RAC1: variants seen among roughly 807,000 people sequenced by gnomAD.
RAC1 encodes ras-related C3 botulinum toxin substrate 1.
In RAC1, 2 loss-of-function variants were observed where a neutral mutation model predicts 25.2. That is an observed-to-expected ratio of 0.08 (90% CI 0.03 to 0.25). RAC1 has a LOEUF of 0.25. Ranked by LOEUF, RAC1 falls within the 10% of genes least tolerant of loss-of-function variation. The pLI is 1.00. For missense variants in RAC1, 50 were observed against 235.7 expected (o/e 0.21, Z 5.16); for synonymous variants, 88 against 94.0 (o/e 0.94, Z 0.37).
At chr7:6,381,585 G>C (rs983988606) in intron 1 of RAC1, among the ~76,000 whole-genome samples, 1 of 145,374 alleles carries the variant, frequency 6.9e-6, no homozygotes, top group African/African-American at 2.4e-5. Flanking sequence ...AGTAGAGACG[G>C]GGTTTCACTG....
intron 3 of RAC1, among the ~76,000 whole-genome samples, chr7:6,393,176 C>G (rs1028097518): frequency 2.6e-5 from 4 of 152,184 alleles, no homozygotes; most frequent in Non-Finnish European, 2.9e-5. Context: ...GTGATTGATT[C>G]AACCAGTACT....
chr7:6,388,905 A>T (rs974780611), intron 2 of RAC1, among the ~76,000 whole-genome samples: 3 of 152,000 alleles, frequency 2.0e-5, no homozygotes, highest in African/African-American at 7.2e-5. Context: ...GATGTTTTAA[A>T]TTTTGGTAGA....
chr7:6,400,311 T>G (rs1324170193), intron 4 of RAC1, 123 bp downstream of exon 4: 2 of 964,666 alleles, frequency 2.1e-6, no homozygotes, highest in African/African-American at 3.3e-5. Flanking sequence ...AATTTGCTAC[T>G]TAAGTACATG....
chr7:6,389,175 C>G (rs1234763249), intron 2 of RAC1, among the ~76,000 whole-genome samples: 2 of 149,102 alleles, frequency 1.3e-5, no homozygotes. Flanking sequence ...GCACTTCAGC[C>G]TGGGTAACAG....
chr7:6,389,121 GA>G (rs1262935245), intron 2 of RAC1, among the ~76,000 whole-genome samples: 2 of 151,534 alleles, frequency 1.3e-5, no homozygotes, highest in Non-Finnish European at 2.9e-5. Context: ...AGAATTGCTT[GA>G]ACCCGGGAAG....
At chr7:6,380,292 A>G (rs1044600581) in intron 1 of RAC1, among the ~76,000 whole-genome samples, 1 of 152,130 alleles carries the variant, frequency 6.6e-6, no homozygotes, top group Non-Finnish European at 1.5e-5. Flanking sequence ...CTCCAAATGT[A>G]GGTGTAGTAT....
chr7:6,400,701 G>A (rs547439155), intron 4 of RAC1, among the ~76,000 whole-genome samples: 1 of 151,898 alleles, frequency 6.6e-6, no homozygotes, highest in South Asian at 2.1e-4. Flanking sequence ...TTGAGATGGA[G>A]TTTCACTCTT....
chr7:6,392,197 C>A (rs1009525606), intron 3 of RAC1, among the ~76,000 whole-genome samples, 156 bp downstream of exon 3: 1 of 152,160 alleles, frequency 6.6e-6, no homozygotes, highest in Non-Finnish European at 1.5e-5. Context: ...TAAACATCCC[C>A]CTAGATGCAA....
chr7:6,385,067 A>G lies in RAC1; in HGVS notation c.36-2145A>G, dbSNP rs539483698. On this transcript the variant is annotated intron_variant, in intron 1 of 5. Transcript: ENST00000348035. Reference sequence around the variant, plus strand: ...GCGATCCACCCACCTCAGCCTCCCAAAGTGCTAGGATTACAGGCATGAGCC... The same window carrying G: ...GCGATCCACCCACCTCAGCCTCCCAGAGTGCTAGGATTACAGGCATGAGCC... Among the ~76,000 whole-genome samples, 508 of 152,212 alleles carry G rather than the reference A, an allele frequency of 3.3e-3. 1 individual carries two copies. Among genetic ancestry groups the G allele is most frequent in the Middle Eastern group, 0.014 (4 of 294 alleles).
intron 1 of RAC1, among the ~76,000 whole-genome samples, chr7:6,386,211 A>C (rs1782918208): frequency 6.6e-6 from 1 of 152,128 alleles, no homozygotes; most frequent in African/African-American, 2.4e-5. Context: ...CTGTTAATTA[A>C]ATGTCTGGGA....
chr7:6,376,680 T>A (rs1256415354), intron 1 of RAC1, among the ~76,000 whole-genome samples: 1 of 149,532 alleles, frequency 6.7e-6, no homozygotes, highest in African/African-American at 2.4e-5. Context: ...TTGTTTTTTT[T>A]TTTTTTTTTT....
At chr7:6,400,299 G>T in intron 4 of RAC1, 111 bp downstream of exon 4, 3 of 1,102,458 alleles carry the variant, frequency 2.7e-6, no homozygotes, top group South Asian at 1.4e-5. Context: ...ATTGGTTTTA[G>T]CAATTTGCTA....
intron 3 of RAC1, among the ~76,000 whole-genome samples, chr7:6,393,991 C>G (rs1783159166): frequency 6.6e-6 from 1 of 152,166 alleles, no homozygotes; most frequent in Non-Finnish European, 1.5e-5. Context: ...ATGCTGGCAC[C>G]TGGGTCTCTT....
At chr7:6,395,090 G>A (rs1783196014) in intron 3 of RAC1, among the ~76,000 whole-genome samples, 1 of 152,122 alleles carries the variant, frequency 6.6e-6, no homozygotes, top group Non-Finnish European at 1.5e-5. Context: ...TCCTGAGCTT[G>A]TGATCCGCCC....
chr7:6,385,275 T>G (rs1309295437), intron 1 of RAC1, among the ~76,000 whole-genome samples: 2 of 152,218 alleles, frequency 1.3e-5, no homozygotes, highest in African/African-American at 2.4e-5. Flanking sequence ...TTGATACATC[T>G]TTAGCACCTA....
At chr7:6,375,275 A>G (rs1782548657) in intron 1 of RAC1, among the ~76,000 whole-genome samples, 1 of 151,986 alleles carries the variant, frequency 6.6e-6, no homozygotes, top group African/African-American at 2.4e-5. Flanking sequence ...TTTTTTTCAT[A>G]GACGGGGTCT....
intron 4 of RAC1, 33 bp from the exon 5 acceptor site, chr7:6,401,835 G>T: frequency 1.9e-6 from 3 of 1,593,718 alleles, no homozygotes; most frequent in Non-Finnish European, 2.6e-6. Flanking sequence ...GTAAAGGAGC[G>T]TGTCACAACC....
intron 4 of RAC1, among the ~76,000 whole-genome samples, chr7:6,401,327 C>T (rs969136983): frequency 6.6e-6 from 1 of 152,162 alleles, no homozygotes; most frequent in Non-Finnish European, 1.5e-5. Context: ...TAATGAGGCA[C>T]TCAGAATTGG....
chr7:6,381,603 C>T (rs1207681780), intron 1 of RAC1, among the ~76,000 whole-genome samples: 1 of 152,048 alleles, frequency 6.6e-6, no homozygotes, highest in African/African-American at 2.4e-5. Flanking sequence ...CTGTGCTGCC[C>T]AGGCTGGTCT....
Sources: gnomAD v4.1 joint callset for allele counts (sites outside exome capture counted in the v4.1 genomes callset) on GRCh38, gnomAD v4.1.1 for gene constraint, MANE v1.5 for transcripts, NCBI Gene and HGNC (gene_info 2026-07-23, HGNC 2026-07-21) for gene names.